Variants in KCNN2 observed in about 807,000 individuals in gnomAD.
KCNN2 encodes the protein potassium calcium-activated channel subfamily N member 2.
A neutral mutation model predicts 55.5 loss-of-function variants in KCNN2; 24 were observed. The ratio of observed to expected loss-of-function variants is 0.43; its 90% CI spans 0.31 to 0.61. The LOEUF is 0.61. Among genes scored for constraint, KCNN2 ranks in the 20% least tolerant of loss-of-function variants. The pLI is 0.08. For missense variants in KCNN2, 754 were observed against 853.6 expected (o/e 0.88, Z 1.45); for synonymous variants, 431 against 336.1 (o/e 1.28, Z -3.09).
At chr5:114,382,854 C>T (rs192279301) in intron 2 of KCNN2, among the ~76,000 whole-genome samples, 1 of 152,298 alleles carries the variant, frequency 6.6e-6, no homozygotes, top group African/African-American at 2.4e-5. Context: ...GTGATTGGGC[C>T]TGTCTGCTCA....
chr5:114,066,520 T>C (rs780305732), intron 1 of KCNN2, among the ~76,000 whole-genome samples: 1 of 152,222 alleles, frequency 6.6e-6, no homozygotes, highest in African/African-American at 2.4e-5. Flanking sequence ...GGATACACAC[T>C]ACTGTGGGAA....
At chr5:114,377,794 T>C (rs997933812) in intron 2 of KCNN2, among the ~76,000 whole-genome samples, 3 of 152,236 alleles carry the variant, frequency 2.0e-5, no homozygotes, top group Non-Finnish European at 2.9e-5. Context: ...ATGATCATTG[T>C]ACCTATCTCA....
chr5:114,364,567 T>C (rs190845615), intron 2 of KCNN2, among the ~76,000 whole-genome samples: 1 of 152,126 alleles, frequency 6.6e-6, no homozygotes, highest in East Asian at 1.9e-4. Context: ...AGTCATGAAG[T>C]ATTTTTTAAA....
intron 2 of KCNN2, among the ~76,000 whole-genome samples, chr5:114,262,071 C>G (rs1360443221): frequency 6.6e-6 from 1 of 152,058 alleles, no homozygotes; most frequent in South Asian, 2.1e-4. Flanking sequence ...TGATATATAC[C>G]CCAAACCTAA....
chr5:114,409,392 C>T (rs565271905), intron 3 of KCNN2, among the ~76,000 whole-genome samples: 4 of 152,108 alleles, frequency 2.6e-5, no homozygotes, highest in African/African-American at 9.7e-5. Context: ...CAGTATCTTA[C>T]GCTTCCTTGA....
intron 1 of KCNN2, among the ~76,000 whole-genome samples, chr5:114,168,994 TAGTG>T (rs1378755081): frequency 1.3e-5 from 2 of 152,132 alleles, no homozygotes; most frequent in Non-Finnish European, 2.9e-5. Context: ...GTTCTAATGA[TAGTG>T]AGTGAGTTCT....
In KCNN2 at chr5:114,363,989, C is replaced by T. The variant is rs1412575711; in HGVS notation, c.1206C>T (p.Ala402=). 6 of 1,612,396 alleles carry T rather than the reference C, an allele frequency of 3.7e-6. No homozygotes were observed. The highest frequency in any genetic ancestry group is 4.2e-6 in the Non-Finnish European group (5 of 1,178,446). ...TCGGTCTGATCATCGTGTACCACGCCAGGGAAATACAGGTAACTTAGGTCC... is the reference window on the plus strand; with the variant it reads ...TCGGTCTGATCATCGTGTACCACGCTAGGGAAATACAGGTAACTTAGGTCC... ...ILLGLIIVYH[A]REIQLFMVDN... Residue 402 remains alanine, a synonymous_variant, in exon 2 of 8, where the codon GCC becomes GCT. Transcript: ENST00000673685.
At chr5:114,440,374 AAGTG>A (rs1343674646) in intron 3 of KCNN2, among the ~76,000 whole-genome samples, 1 of 152,190 alleles carries the variant, frequency 6.6e-6, no homozygotes, top group African/African-American at 2.4e-5. Flanking sequence ...GGTAATTAAA[AAGTG>A]AGAGTATGTA....
At chr5:114,415,435 G>A (rs1272306293) in intron 3 of KCNN2, among the ~76,000 whole-genome samples, 1 of 152,112 alleles carries the variant, frequency 6.6e-6, no homozygotes, top group Non-Finnish European at 1.5e-5. Context: ...GTGTGTGTGT[G>A]TATTATATAT....
At chr5:114,332,788 A>G (rs1295381580) in intron 2 of KCNN2, among the ~76,000 whole-genome samples, 1 of 152,232 alleles carries the variant, frequency 6.6e-6, no homozygotes. Context: ...GCTTTAATAC[A>G]TTGAATTAAA....
In KCNN2 at chr5:114,152,334, G is replaced by A. The variant is rs115572543; in HGVS notation, c.-270-69146G>A. On this transcript the variant is annotated intron_variant, in intron 1 of 10. Coordinates refer to the KCNN2 transcript ENST00000512097. ...ACACTTAAAATGTATTTTATCTAAC[G>A]TCATACTATTCTTGAAAATACTTGT... Among the ~76,000 whole-genome samples the A allele has an allele frequency of 2.7e-3, 418 of 152,150 alleles. 3 individuals carry two copies. The highest frequency in any genetic ancestry group is 9.2e-3 in the African/African-American group (380 of 41,522).
chr5:114,059,397 GC>G (rs1384883250), intron 1 of KCNN2, among the ~76,000 whole-genome samples: 3 of 152,176 alleles, frequency 2.0e-5, no homozygotes, highest in African/African-American at 7.2e-5. Context: ...AGATTTTAGG[GC>G]AAGAGTCATA....
chr5:114,381,589 A>G (rs1375639892), intron 2 of KCNN2, among the ~76,000 whole-genome samples: 2 of 152,220 alleles, frequency 1.3e-5, no homozygotes. Flanking sequence ...GGATCACAGC[A>G]TGTCCTACTG....
chr5:114,194,977 C>T (rs895290227), intron 1 of KCNN2, among the ~76,000 whole-genome samples: 5 of 151,554 alleles, frequency 3.3e-5, no homozygotes, highest in Admixed American at 6.6e-5. Context: ...GTCTTGGCAC[C>T]ATTGTGCAAA....
chr5:114,477,650 T>G (rs942310014), intron 5 of KCNN2, among the ~76,000 whole-genome samples: 4 of 152,190 alleles, frequency 2.6e-5, no homozygotes, highest in African/African-American at 9.6e-5. Flanking sequence ...GCAATATATT[T>G]ACCATGCAAT....
chr5:114,288,242 T>C (rs1247223806), intron 2 of KCNN2, among the ~76,000 whole-genome samples: 1 of 152,206 alleles, frequency 6.6e-6, no homozygotes, highest in Admixed American at 6.5e-5. Flanking sequence ...TGTTTAACAT[T>C]TGGGTTGTTT....
At chr5:114,419,422 T>C (rs1442707545) in intron 3 of KCNN2, among the ~76,000 whole-genome samples, 1 of 152,246 alleles carries the variant, frequency 6.6e-6, no homozygotes, top group Non-Finnish European at 1.5e-5. Flanking sequence ...AAGCACAATG[T>C]GATATTTTCA....
intron 1 of KCNN2, among the ~76,000 whole-genome samples, chr5:114,104,605 A>T (rs909607447): frequency 3.9e-5 from 6 of 152,066 alleles, no homozygotes; most frequent in South Asian, 2.1e-4. Flanking sequence ...AGTTGACAAG[A>T]CAAGTTCTAG....
intron 1 of KCNN2, among the ~76,000 whole-genome samples, chr5:114,107,281 T>C (rs56775401): frequency 8.1e-6 from 1 of 122,744 alleles, no homozygotes; most frequent in African/African-American, 2.8e-5. Flanking sequence ...TACCATAGTG[T>C]TTTTTTTACT....
Sources: allele counts gnomAD v4.1 joint callset (sites outside exome capture counted in the v4.1 genomes callset), GRCh38; gene constraint gnomAD v4.1.1; transcripts MANE v1.5; gene names NCBI Gene and HGNC (gene_info 2026-07-23, HGNC 2026-07-21).